FLYWCH1: variants seen among roughly 807,000 people sequenced by gnomAD.
FLYWCH1 encodes the protein FLYWCH-type zinc finger-containing protein 1.
FLYWCH1 carries 75 observed loss-of-function variants against 66.4 expected under a neutral mutation model. That is an observed-to-expected ratio of 1.13 (90% confidence interval 0.94 to 1.37). The LOEUF (loss-of-function observed/expected upper bound fraction) is 1.37, where lower values mean the gene tolerates loss of function less well. Ranked by LOEUF, FLYWCH1 falls within the 40% of genes most tolerant of loss-of-function variation. The pLI is 0.00. For missense variants in FLYWCH1, 1,334 were observed against 1,001.8 expected, an observed-to-expected ratio of 1.33 and a Z score of -4.48; for synonymous variants, 595 against 429.9, an observed-to-expected ratio of 1.38 and a Z score of -4.75.
intron 2 of FLYWCH1, among the ~76,000 whole-genome samples, chr16:2,926,117 T>A (rs1218982230): frequency 1.3e-5 from 2 of 152,224 alleles, no homozygotes; most frequent in Admixed American, 6.5e-5. Flanking sequence ...TATTTGCCCT[T>A]TCTGCCTCTC....
In FLYWCH1 at chr16:2,933,355, G is replaced by A. The variant is rs758445226; in HGVS notation, c.1022G>A (p.Arg341Gln). 3.4e-5 allele frequency: 55 copies of A among 1,601,760 alleles called. No individual in the cohort carries two copies. Among genetic ancestry groups the A allele is most frequent in the Admixed American group, 2.1e-4 (12 of 57,724 alleles). Residue 341 changes from arginine to glutamine, a missense_variant, in exon 5 of 10, where the codon CGG (arginine) becomes CAG (glutamine). Physicochemically the swap from Arg to Gln is conservative, Grantham distance 43. Transcript: ENST00000253928. Reference protein sequence around the residue: ...HQPDMEGLEARRQQEKAVETL... With the variant: ...HQPDMEGLEAQRQQEKAVETL... ...CCCGATATGGAGGGCCTGGAAGCCC[G>A]GCGGCAGCAGGAGAAGGCCGTGGAG...
At chr16:2,924,127 A>C (rs534353183) in intron 2 of FLYWCH1, among the ~76,000 whole-genome samples, 283 of 152,168 alleles carry the variant, frequency 1.9e-3, no homozygotes, top group Non-Finnish European at 3.2e-3. Context: ...TCAGGAGATC[A>C]AGACCATCCT....
At chr16:2,917,185 A>T (rs190211670) in intron 2 of FLYWCH1, among the ~76,000 whole-genome samples, 3 of 151,504 alleles carry the variant, frequency 2.0e-5, no homozygotes, top group Admixed American at 6.6e-5. Flanking sequence ...AAAAATTTTT[A>T]AAAAGCCATG....
At chr16:2,937,072 G>C (rs1171399173) in intron 6 of FLYWCH1, 49 bp from the exon 7 acceptor site, 5 of 1,263,014 alleles carry the variant, frequency 4.0e-6, no homozygotes, top group Non-Finnish European at 5.2e-6. Flanking sequence ...TGCTGATCTG[G>C]GCTCTGAGAG....
At chr16:2,937,036 T>G in intron 6 of FLYWCH1, 85 bp from the exon 7 acceptor site, 1 of 1,221,840 alleles carries the variant, frequency 8.2e-7, no homozygotes, top group Non-Finnish European at 1.1e-6. Flanking sequence ...GGTGTGGGCG[T>G]TGTGGGAGGT....
chr16:2,941,565 G>A (rs1471606979), intron 9 of FLYWCH1, among the ~76,000 whole-genome samples: 1 of 150,606 alleles, frequency 6.6e-6, no homozygotes, highest in Non-Finnish European at 1.5e-5. Context: ...GGGAGACAGA[G>A]CAAGATCCCA....
intron 9 of FLYWCH1, among the ~76,000 whole-genome samples, chr16:2,941,995 CAAAAAAAA>C (rs748281347): frequency 7.4e-4 from 25 of 33,586 alleles, no homozygotes; most frequent in East Asian, 9.2e-4. Flanking sequence ...AGACTCATCT[CAAAAAAAA>C]AAAAAAAAAA....
In FLYWCH1 at chr16:2,948,870, G is replaced by A. The variant is rs980329771; in HGVS notation, c.*143G>A. The A allele has an allele frequency of 1.4e-6, 1 of 696,872 alleles. No individual in the cohort carries two copies. The highest frequency in any genetic ancestry group is 1.8e-5 in the African/African-American group (1 of 55,900). 43.2% of individuals were successfully genotyped at this position (696,872 alleles called of 1,614,324 possible). On this transcript the variant is annotated 3_prime_UTR_variant, in exon 10 of 10. Transcript: ENST00000253928. ...ATCGATGGTCTTCGCGTCTCCTCAG[G>A]AGGTCTCCCAGGAGGAATTCTTGGA...
chr16:2,929,511 C>G (rs150593042), intron 2 of FLYWCH1, 102 bp from the exon 3 acceptor site: 1 of 797,370 alleles, frequency 1.3e-6, no homozygotes, highest in Non-Finnish European at 1.9e-6. Flanking sequence ...TTGGCCCCAG[C>G]GAGCAGTGAG....
At chr16:2,936,467 C>G (rs2071005675) in intron 6 of FLYWCH1, 1 of 446,020 alleles carries the variant, frequency 2.2e-6, no homozygotes, top group Admixed American at 2.4e-5. Flanking sequence ...CCGCTGGCCT[C>G]TCCTCTAGGG....
At chr16:2,928,106 A>G (rs1189340691) in intron 2 of FLYWCH1, among the ~76,000 whole-genome samples, 1 of 152,234 alleles carries the variant, frequency 6.6e-6, no homozygotes, top group Non-Finnish European at 1.5e-5. Context: ...CAGTGTAGCA[A>G]AGAGTAACAG....
At position 2,933,374 on chromosome 16, in the gene FLYWCH1, C is replaced by T. The variant is rs199890568; in HGVS notation, c.1041C>T (p.Ala347=). 297 of 1,602,690 alleles carry T rather than the reference C, an allele frequency of 1.9e-4. No individual in the cohort carries two copies. In the Admixed American group the frequency reaches 3.5e-3, roughly 19 times the overall value. The change falls in exon 5 of 10, where the codon GCC becomes GCT. Residue 347 remains alanine, a synonymous_variant. Coordinates refer to ENST00000253928, the MANE Select transcript of FLYWCH1 (RefSeq NM_001308068.2). ...AAGCCCGGCGGCAGCAGGAGAAGGC[C>T]GTGGAGACGCTGCAGGCTGGGCAGG... ...GLEARRQQEK[A]VETLQAGQDG...
intron 2 of FLYWCH1, among the ~76,000 whole-genome samples, chr16:2,920,015 G>C (rs1233553781): frequency 1.3e-5 from 2 of 152,166 alleles, no homozygotes; most frequent in African/African-American, 4.8e-5. Flanking sequence ...CGCAGTGTGT[G>C]CTACAGAAAA....
intron 9 of FLYWCH1, among the ~76,000 whole-genome samples, chr16:2,941,008 G>A (rs1326409994): frequency 6.6e-6 from 1 of 152,186 alleles, no homozygotes; most frequent in East Asian, 1.9e-4. Flanking sequence ...GTACATGCAT[G>A]TAATCCAAGC....
intron 2 of FLYWCH1, among the ~76,000 whole-genome samples, chr16:2,924,751 G>C (rs2150923831): frequency 6.6e-6 from 1 of 152,310 alleles, no homozygotes; most frequent in East Asian, 1.9e-4. Context: ...AGTGGCGGTG[G>C]GTCAGCATCT....
Position 2,937,316 on chromosome 16 carries a change from A to G in FLYWCH1, c.1709A>G (p.Asp570Gly). ...MVMRRHCHPPDLGGLEALRQR... is the reference protein window; with the variant it reads ...MVMRRHCHPPGLGGLEALRQR... Reference sequence around the variant, plus strand: ...ATGCGCAGGCACTGCCACCCACCGGACCTGGGCGGCCTGGAGGCCCTGCGG... The same window carrying G: ...ATGCGCAGGCACTGCCACCCACCGGGCCTGGGCGGCCTGGAGGCCCTGCGG... The change falls in exon 7 of 10, where the codon GAC becomes GGC. Residue 570 changes from aspartate (D) to glycine (G), a missense_variant. Coordinates refer to ENST00000253928, the MANE Select transcript of FLYWCH1 (RefSeq NM_001308068.2). The G allele has an allele frequency of 6.2e-7, 1 of 1,602,500 alleles. No individual in the cohort carries two copies. The highest frequency in any genetic ancestry group is 1.3e-5 in the African/African-American group (1 of 74,758).
At chr16:2,941,995 C>CAAAAAA (rs748281347) in intron 9 of FLYWCH1, among the ~76,000 whole-genome samples, 9 of 33,602 alleles carry the variant, frequency 2.7e-4, no homozygotes, top group African/African-American at 4.6e-4. Flanking sequence ...AGACTCATCT[C>CAAAAAA]AAAAAAAAAA....
intron 2 of FLYWCH1, among the ~76,000 whole-genome samples, chr16:2,917,389 C>A (rs1189541926): frequency 3.3e-5 from 5 of 151,356 alleles, no homozygotes; most frequent in Admixed American, 1.3e-4. Flanking sequence ...ACCACGACGC[C>A]CAGCTAATTT....
intron 8 of FLYWCH1, 22 bp downstream of exon 8, chr16:2,938,478 G>A (rs1567347203): frequency 1.3e-6 from 2 of 1,506,336 alleles, no homozygotes; most frequent in Non-Finnish European, 1.8e-6. Context: ...CTGTGGGGCA[G>A]AGGCAGGGCT....
Sources: allele counts gnomAD v4.1 joint callset (sites outside exome capture counted in the v4.1 genomes callset), GRCh38; gene constraint gnomAD v4.1.1; transcripts MANE v1.5; gene names NCBI Gene and HGNC (gene_info 2026-07-23, HGNC 2026-07-21).